Variants in ZFAND6 observed in about 807,000 individuals in gnomAD.
ZFAND6 encodes AN1-type zinc finger protein 6.
In ZFAND6, 12 loss-of-function variants were observed where a neutral mutation model predicts 24.5. The ratio of observed to expected loss-of-function variants is 0.49; its 90% confidence interval spans 0.31 to 0.79. The LOEUF is 0.79. Ranked by LOEUF, ZFAND6 falls within the 30% of genes least tolerant of loss-of-function variation. The probability of loss-of-function intolerance (pLI) is 0.04; values close to 1 mark genes in which losing one functional copy is unlikely to be tolerated. For missense variants in ZFAND6, 207 were observed against 245.9 expected, an observed-to-expected ratio of 0.84 and a Z score of 1.06; for synonymous variants, 92 against 81.5, an observed-to-expected ratio of 1.13 and a Z score of -0.69.
At chr15:80,085,016 A>C (rs1397718275) in intron 1 of ZFAND6, among the ~76,000 whole-genome samples, 3 of 152,158 alleles carry the variant, frequency 2.0e-5, no homozygotes, top group Non-Finnish European at 4.4e-5. Flanking sequence ...CTCCTCACAG[A>C]ATCTTTGTTT....
Position 80,133,824 on chromosome 15 carries a change from G to T in ZFAND6, c.478+2531G>T, listed in dbSNP as rs1470002483. Among the ~76,000 whole-genome samples the T allele has an allele frequency of 2.6e-5, 4 of 152,124 alleles. No homozygotes were observed. The East Asian group carries it at 7.7e-4, about 29-fold the overall frequency. ...CCATTACCTATAAAGCTGCTAACCCGAGTCTTGAAGGGAAAAAGATAAACA... is the reference window on the plus strand; with the variant it reads ...CCATTACCTATAAAGCTGCTAACCCTAGTCTTGAAGGGAAAAAGATAAACA... On this transcript the variant is annotated intron_variant, in intron 6 of 6. Coordinates refer to ENST00000261749, the MANE Select transcript of ZFAND6 (RefSeq NM_019006.4).
chr15:80,064,070 T>C (rs1474792579), intron 1 of ZFAND6, among the ~76,000 whole-genome samples: 1 of 152,254 alleles, frequency 6.6e-6, no homozygotes, highest in Non-Finnish European at 1.5e-5. Context: ...ATAAAAGTAC[T>C]ATAACCTAGT....
At chr15:80,115,476 C>G (rs997876314) in intron 2 of ZFAND6, among the ~76,000 whole-genome samples, 1 of 152,154 alleles carries the variant, frequency 6.6e-6, no homozygotes, top group Non-Finnish European at 1.5e-5. Context: ...CTTTTCCTCC[C>G]TGATCATTTG....
chr15:80,096,605 T>C (rs563956778), intron 1 of ZFAND6, among the ~76,000 whole-genome samples: 1 of 152,340 alleles, frequency 6.6e-6, no homozygotes, highest in East Asian at 1.9e-4. Flanking sequence ...ATTAATAGTT[T>C]TAAAATTAGT....
At chr15:80,084,462 A>G (rs769259918) in intron 1 of ZFAND6, among the ~76,000 whole-genome samples, 8 of 152,234 alleles carry the variant, frequency 5.3e-5, no homozygotes, top group Non-Finnish European at 7.3e-5. Context: ...TATACTTCCT[A>G]ATAACTGAGG....
chr15:80,104,713 A>G (rs1596272475), intron 2 of ZFAND6, among the ~76,000 whole-genome samples: 1 of 152,226 alleles, frequency 6.6e-6, no homozygotes, highest in African/African-American at 2.4e-5. Flanking sequence ...TTTCTTAAGT[A>G]GTCATATTCT....
At chr15:80,069,735 A>C (rs1008020146) in intron 1 of ZFAND6, among the ~76,000 whole-genome samples, 1 of 151,976 alleles carries the variant, frequency 6.6e-6, no homozygotes, top group African/African-American at 2.4e-5. Flanking sequence ...CAGTCTCCCA[A>C]GTAGCTGGGA....
chr15:80,097,151 C>T (rs2038772905), intron 1 of ZFAND6, among the ~76,000 whole-genome samples: 1 of 151,822 alleles, frequency 6.6e-6, no homozygotes, highest in South Asian at 2.1e-4. Context: ...AGGCATGTGC[C>T]ACCATGCCCT....
intron 1 of ZFAND6, among the ~76,000 whole-genome samples, chr15:80,083,060 T>C (rs951908010): frequency 9.2e-5 from 14 of 152,096 alleles, no homozygotes; most frequent in Non-Finnish European, 1.3e-4. Flanking sequence ...GGCGCGATCT[T>C]GGCTCACTGC....
At chr15:80,103,393 GGA>G (rs2039138472) in intron 2 of ZFAND6, among the ~76,000 whole-genome samples, 1 of 152,084 alleles carries the variant, frequency 6.6e-6, no homozygotes, top group African/African-American at 2.4e-5. Flanking sequence ...GAAAAAATTT[GGA>G]GAATTTGGTG....
At chr15:80,126,776 T>C (rs1377433866) in intron 5 of ZFAND6, among the ~76,000 whole-genome samples, 2 of 152,182 alleles carry the variant, frequency 1.3e-5, no homozygotes, top group Non-Finnish European at 2.9e-5. Flanking sequence ...AAAGAAATTA[T>C]AGATAAATTG....
At chr15:80,063,148 T>C (rs1281782911) in intron 1 of ZFAND6, among the ~76,000 whole-genome samples, 1 of 152,180 alleles carries the variant, frequency 6.6e-6, no homozygotes, top group African/African-American at 2.4e-5. Flanking sequence ...CAAAGTCCAC[T>C]AGAAATACAA....
At chr15:80,089,076 T>C (rs990362617) in intron 1 of ZFAND6, among the ~76,000 whole-genome samples, 6 of 152,024 alleles carry the variant, frequency 3.9e-5, no homozygotes, top group Non-Finnish European at 8.8e-5. Context: ...TCGGGCCCTT[T>C]TCACTTTTAC....
In ZFAND6 at chr15:80,137,499, A is replaced by G; in HGVS notation, c.498A>G (p.Gly166=). 1 of 1,601,854 alleles carries G rather than the reference A, an allele frequency of 6.2e-7. No individual in the cohort carries two copies. Among genetic ancestry groups the G allele is most frequent in the Non-Finnish European group, 8.5e-7 (1 of 1,176,668 alleles). Residue 166 remains glycine, a synonymous_variant, in exon 7 of 7, where the codon GGA becomes GGG. Coordinates refer to ENST00000261749, the MANE Select transcript of ZFAND6 (RefSeq NM_019006.4). The part of the protein sequence containing the change: ...VGLTGFECRC[G]NVYCGVHRYS... ...TTCCAGGGTTTGAATGCCGGTGTGG[A>G]AATGTTTACTGTGGTGTACACCGTT...
chr15:80,077,169 T>G (rs114380579), intron 1 of ZFAND6, among the ~76,000 whole-genome samples: 1,924 of 152,310 alleles, frequency 0.013, 35 homozygotes, highest in African/African-American at 0.044. Context: ...ACTCCTTAAA[T>G]AACTGTTGGC....
chr15:80,061,908 T>C (rs528950907), intron 1 of ZFAND6, among the ~76,000 whole-genome samples: 1 of 152,320 alleles, frequency 6.6e-6, no homozygotes, highest in Non-Finnish European at 1.5e-5. Flanking sequence ...TTCTCTATTA[T>C]GTTTAAATAG....
At chr15:80,060,006 C>T (rs1045074530) in intron 1 of ZFAND6, among the ~76,000 whole-genome samples, 197 bp downstream of exon 1, 1 of 151,324 alleles carries the variant, frequency 6.6e-6, no homozygotes, top group African/African-American at 2.4e-5. Flanking sequence ...GCGAGGACTC[C>T]CGGCTCCGGG....
intron 2 of ZFAND6, among the ~76,000 whole-genome samples, 177 bp downstream of exon 2, chr15:80,098,755 A>C (rs1260536738): frequency 6.6e-6 from 1 of 152,120 alleles, no homozygotes; most frequent in Non-Finnish European, 1.5e-5. Flanking sequence ...TTTATTTATA[A>C]AATAATTTGT....
At chr15:80,083,810 T>G (rs1208037302) in intron 1 of ZFAND6, among the ~76,000 whole-genome samples, 1 of 151,956 alleles carries the variant, frequency 6.6e-6, no homozygotes, top group African/African-American at 2.4e-5. Context: ...TGCGGTGAGC[T>G]CAGATCATGC....
Sources: allele counts gnomAD v4.1 joint callset (sites outside exome capture counted in the v4.1 genomes callset), GRCh38; gene constraint gnomAD v4.1.1; transcripts MANE v1.5; gene names NCBI Gene and HGNC (gene_info 2026-07-23, HGNC 2026-07-21).